Variants in SHROOM3 observed in about 807,000 individuals in gnomAD.
SHROOM3 encodes the protein shroom family member 3.
In SHROOM3, 47 loss-of-function variants were observed where a neutral mutation model predicts 138.6. The ratio of observed to expected loss-of-function variants is 0.34; its 90% CI spans 0.27 to 0.43. SHROOM3 has a LOEUF of 0.43. Ranked by LOEUF, SHROOM3 falls within the 20% of genes least tolerant of loss-of-function variation. The pLI, the probability that SHROOM3 is intolerant of heterozygous loss-of-function variation, is 1.00. For missense variants in SHROOM3, 2,491 were observed against 2,596.5 expected (o/e 0.96, Z 0.88); for synonymous variants, 1,062 against 1,063.3 (o/e 1.00, Z 0.02).
intron 1 of SHROOM3, among the ~76,000 whole-genome samples, chr4:76,485,577 G>A (rs1731712469): frequency 6.6e-6 from 1 of 152,178 alleles, no homozygotes; most frequent in Non-Finnish European, 1.5e-5. Flanking sequence ...GGTGAAGTTA[G>A]CTTTGGCCAG....
chr4:76,691,449 A>G (rs567265678), intron 2 of SHROOM3, among the ~76,000 whole-genome samples: 1 of 152,184 alleles, frequency 6.6e-6, no homozygotes, highest in Non-Finnish European at 1.5e-5. Context: ...ACCTGAGCCC[A>G]GTAGGAGGTG....
chr4:76,492,626 C>A (rs893767354), intron 1 of SHROOM3, among the ~76,000 whole-genome samples: 3 of 152,154 alleles, frequency 2.0e-5, no homozygotes, highest in African/African-American at 7.2e-5. Context: ...GATTCTAGTC[C>A]TGACTCCGCA....
At chr4:76,603,673 G>A (rs780950401) in intron 2 of SHROOM3, among the ~76,000 whole-genome samples, 1 of 151,650 alleles carries the variant, frequency 6.6e-6, no homozygotes, top group African/African-American at 2.4e-5. Flanking sequence ...ATGTTGGTTT[G>A]CTGCACCCAT....
At chr4:76,439,616 A>C (rs1241462789) in intron 1 of SHROOM3, among the ~76,000 whole-genome samples, 1 of 152,166 alleles carries the variant, frequency 6.6e-6, no homozygotes, top group African/African-American at 2.4e-5. Flanking sequence ...TACACTGCTA[A>C]CCAGATGTCT....
chr4:76,697,628 G>A (rs926438996), intron 2 of SHROOM3, among the ~76,000 whole-genome samples: 3 of 152,160 alleles, frequency 2.0e-5, no homozygotes, highest in African/African-American at 7.2e-5. Flanking sequence ...TTTAAGTTAC[G>A]TTTGCTTCAG....
chr4:76,695,246 C>T (rs921322079), intron 2 of SHROOM3, among the ~76,000 whole-genome samples: 1 of 152,204 alleles, frequency 6.6e-6, no homozygotes, highest in African/African-American at 2.4e-5. Flanking sequence ...GTGGTCCTCT[C>T]TGACATTGTC....
At chr4:76,556,466 C>G (rs1057403166) in intron 2 of SHROOM3, among the ~76,000 whole-genome samples, 1 of 152,198 alleles carries the variant, frequency 6.6e-6, no homozygotes, top group African/African-American at 2.4e-5. Context: ...CCCCATTTTA[C>G]AGGCAAGAGA....
intron 1 of SHROOM3, among the ~76,000 whole-genome samples, chr4:76,476,757 T>G (rs1731492834): frequency 6.6e-6 from 1 of 152,226 alleles, no homozygotes; most frequent in Non-Finnish European, 1.5e-5. Flanking sequence ...CTTTCATCTC[T>G]TAATCCCTCA....
chr4:76,444,541 T>C (rs1730766603), intron 1 of SHROOM3, among the ~76,000 whole-genome samples: 1 of 130,284 alleles, frequency 7.7e-6, no homozygotes. Flanking sequence ...TCGCCCAGGC[T>C]GGAGTGCAGT....
chr4:76,581,512 A>G (rs891314058), intron 2 of SHROOM3, among the ~76,000 whole-genome samples: 4 of 152,116 alleles, frequency 2.6e-5, no homozygotes, highest in African/African-American at 9.7e-5. Flanking sequence ...ATCTTTTATG[A>G]TACTAAGAAG....
At chr4:76,442,409 T>G (rs1189051016) in intron 1 of SHROOM3, among the ~76,000 whole-genome samples, 1 of 67,228 alleles carries the variant, frequency 1.5e-5, no homozygotes, top group South Asian at 1.3e-3. Context: ...TTATAGTTTT[T>G]TTTTTTTTTT....
intron 1 of SHROOM3, among the ~76,000 whole-genome samples, chr4:76,537,764 G>T (rs528358679): frequency 6.6e-6 from 1 of 152,202 alleles, no homozygotes; most frequent in South Asian, 2.1e-4. Context: ...GGGGATGATG[G>T]GTGGAGCCTT....
intron 1 of SHROOM3, among the ~76,000 whole-genome samples, chr4:76,503,994 A>G (rs557034717): frequency 1.6e-4 from 24 of 152,144 alleles, no homozygotes; most frequent in Admixed American, 7.9e-4. Context: ...CTTTATCCCC[A>G]CAATCACAAA....
chr4:76,472,033 A>G (rs781692457), intron 1 of SHROOM3, among the ~76,000 whole-genome samples: 6 of 152,216 alleles, frequency 3.9e-5, no homozygotes, highest in Non-Finnish European at 8.8e-5. Context: ...ATAGATAAAA[A>G]TAGATCTATC....
chr4:76,493,388 A>G (rs917062810), intron 1 of SHROOM3, among the ~76,000 whole-genome samples: 1 of 152,146 alleles, frequency 6.6e-6, no homozygotes, highest in Admixed American at 6.5e-5. Context: ...GGAGTCCTGT[A>G]TTTGTATTGG....
At chr4:76,545,168 C>T (rs559559491) in intron 1 of SHROOM3, among the ~76,000 whole-genome samples, 3 of 151,960 alleles carry the variant, frequency 2.0e-5, no homozygotes, top group Admixed American at 2.0e-4. Flanking sequence ...TATAAACCAA[C>T]AATGGACATA....
At chr4:76,464,307 G>A (rs1038142470) in intron 1 of SHROOM3, among the ~76,000 whole-genome samples, 2 of 152,202 alleles carry the variant, frequency 1.3e-5, no homozygotes, top group Admixed American at 1.3e-4. Flanking sequence ...TTTCGCACTT[G>A]CATGGGACCT....
chr4:76,551,016 T>C (rs1330753402), intron 1 of SHROOM3, among the ~76,000 whole-genome samples: 1 of 151,640 alleles, frequency 6.6e-6, no homozygotes, highest in Non-Finnish European at 1.5e-5. Context: ...TAGGATGAAT[T>C]TTTTTTCGAG....
chr4:76,574,324 A>T (rs1238534252), intron 2 of SHROOM3, among the ~76,000 whole-genome samples: 2 of 152,298 alleles, frequency 1.3e-5, no homozygotes, highest in East Asian at 3.9e-4. Context: ...GGTTGTCAAA[A>T]GTGTGATCAT....
Sources: gnomAD v4.1 joint callset for allele counts (sites outside exome capture counted in the v4.1 genomes callset) on GRCh38, gnomAD v4.1.1 for gene constraint, MANE v1.5 for transcripts, NCBI Gene and HGNC (gene_info 2026-07-23, HGNC 2026-07-21) for gene names.